TAS2R1: variants seen among roughly 807,000 people sequenced by gnomAD.
The protein encoded by TAS2R1 is taste receptor type 2 member 1.
For missense variants in TAS2R1, 370 were observed against 353.4 expected (o/e 1.05, Z -0.38); for synonymous variants, 141 against 134.2 (o/e 1.05, Z -0.35).
intron 1 of TAS2R1, among the ~76,000 whole-genome samples, chr5:9,661,445 T>G (rs2126495772): frequency 1.3e-5 from 2 of 152,224 alleles, no homozygotes; most frequent in Middle Eastern, 6.8e-3. Context: ...ACATTAAAGG[T>G]GGTTTCAATC....
At chr5:9,871,299 T>C in the TAS2R1 span, among the ~76,000 whole-genome samples, 1 of 152,258 alleles carries the variant, frequency 6.6e-6, no homozygotes, top group African/African-American at 2.4e-5. Context: ...GACTACCAGT[T>C]TGACTATGTC....
At chr5:9,827,571 TACACACACACCCGGGTGTGGTGGCATGC>T in the TAS2R1 span, among the ~76,000 whole-genome samples, 1 of 149,216 alleles carries the variant, frequency 6.7e-6, no homozygotes, top group Non-Finnish European at 1.5e-5. Context: ...TCCATCCCTA[TACACACACACCCGGGTGTGGTGGCATGC>T]ACACACACAC....
upstream of TAS2R1, chr5:9,713,869 C>T (rs1368112108): frequency 1.3e-5 from 2 of 152,190 alleles, no homozygotes; most frequent in African/African-American, 2.4e-5. Context: ...GAAAGTAGAA[C>T]AATTAAAAAA....
the TAS2R1 span, among the ~76,000 whole-genome samples, chr5:9,800,669 G>A: frequency 1.3e-5 from 2 of 152,184 alleles, no homozygotes; most frequent in African/African-American, 2.4e-5. Context: ...GGTTTTATCT[G>A]GTGGGCCATG....
At position 9,707,806 on chromosome 5, in the gene TAS2R1, C is replaced by T. The variant is rs185159695; in HGVS notation, c.-242+4366G>A. Among the ~76,000 whole-genome samples, 120 of 152,072 alleles carry T rather than the reference C, an allele frequency of 7.9e-4. 1 individual carries two copies. Among genetic ancestry groups the T allele is most frequent in the Admixed American group, 2.6e-4 (4 of 15,256 alleles). On this transcript the variant is annotated intron_variant, in intron 1 of 2. Coordinates refer to the TAS2R1 transcript ENST00000506620. ...GCACAACTCAGGGAGGGAGGTGGTG[C>T]GAAATAACTGAGGCTAACTACTGTG... is the stretch of plus-strand genomic sequence containing the variant.
the TAS2R1 span, among the ~76,000 whole-genome samples, chr5:9,890,241 C>T: frequency 3.3e-5 from 5 of 152,172 alleles, no homozygotes; most frequent in African/African-American, 1.2e-4. Flanking sequence ...CTCAAAAAGG[C>T]CGCCTACGTG....
chr5:9,895,146 C>T, the TAS2R1 span, among the ~76,000 whole-genome samples: 14,835 of 151,868 alleles, frequency 0.098, 720 homozygotes, highest in African/African-American at 0.11. Flanking sequence ...CATGTCACTG[C>T]GTGTGTGTGA....
At chr5:9,842,316 C>CT in the TAS2R1 span, among the ~76,000 whole-genome samples, 14,246 of 115,466 alleles carry the variant, frequency 0.12, 1,317 homozygotes, top group Non-Finnish European at 0.16. Flanking sequence ...TTCTTTCTCT[C>CT]TTTTTTTTTT....
At chr5:9,785,296 G>A in the TAS2R1 span, among the ~76,000 whole-genome samples, 13 of 152,164 alleles carry the variant, frequency 8.5e-5, no homozygotes, top group East Asian at 2.1e-3. Context: ...TTTTTGTCAC[G>A]GTTTTACAAA....
At chr5:9,768,055 C>T in the TAS2R1 span, among the ~76,000 whole-genome samples, 1 of 152,184 alleles carries the variant, frequency 6.6e-6, no homozygotes, top group African/African-American at 2.4e-5. Context: ...TCTCCTGCCC[C>T]CACCCTAACT....
At chr5:9,662,810 T>C (rs1237359818) in intron 1 of TAS2R1, among the ~76,000 whole-genome samples, 2 of 152,246 alleles carry the variant, frequency 1.3e-5, no homozygotes, top group Non-Finnish European at 2.9e-5. Flanking sequence ...GAAATTTTGT[T>C]AAGAATACTC....
the TAS2R1 span, among the ~76,000 whole-genome samples, chr5:9,862,192 G>A: frequency 1.0e-5 from 1 of 99,104 alleles, no homozygotes; most frequent in Non-Finnish European, 2.2e-5. Context: ...ATCAAGCAAC[G>A]TTAAGTTTAA....
At chr5:9,854,554 T>C in the TAS2R1 span, 6 of 152,266 alleles carry the variant, frequency 3.9e-5, no homozygotes, top group South Asian at 8.3e-4. Flanking sequence ...GAAGGTAAGA[T>C]GAGACTCAAG....
chr5:9,835,797 T>C, the TAS2R1 span, among the ~76,000 whole-genome samples: 8 of 152,208 alleles, frequency 5.3e-5, no homozygotes, highest in African/African-American at 1.7e-4. Context: ...CTCAACTCAG[T>C]GTCCTTGTTA....
chr5:9,897,385 G>A, the TAS2R1 span, among the ~76,000 whole-genome samples: 49 of 152,174 alleles, frequency 3.2e-4, no homozygotes, highest in Admixed American at 7.2e-4. Context: ...GGAGGCAGAG[G>A]TTGCAGTGAG....
At chr5:9,703,727 T>C (rs567144858) in intron 1 of TAS2R1, among the ~76,000 whole-genome samples, 1 of 152,244 alleles carries the variant, frequency 6.6e-6, no homozygotes, top group South Asian at 2.1e-4. Context: ...ACTCTCCATG[T>C]GAAGATTTGG....
chr5:9,839,086 C>A, the TAS2R1 span, among the ~76,000 whole-genome samples: 3 of 152,168 alleles, frequency 2.0e-5, no homozygotes, highest in African/African-American at 7.2e-5. Context: ...CTGTTATCAC[C>A]ACAGTGATGA....
chr5:9,698,000 G>T (rs1052452205), intron 1 of TAS2R1, among the ~76,000 whole-genome samples: 3 of 151,796 alleles, frequency 2.0e-5, no homozygotes, highest in Non-Finnish European at 2.9e-5. Context: ...GCATTAGGAA[G>T]AAAATTCAAT....
rs1740726308 is a variant in TAS2R1, at chr5:9,670,448, A to C, written c.-241-10867T>G. Among the ~76,000 whole-genome samples the C allele has an allele frequency of 2.0e-5, 3 of 152,306 alleles. No homozygotes were observed. In the South Asian group the frequency reaches 6.2e-4, roughly 32 times the overall value. On this transcript the variant is annotated intron_variant, in intron 1 of 2. Coordinates refer to the TAS2R1 transcript ENST00000506620. The stretch of plus-strand genomic sequence containing the variant: ...AAATGCTGAGCTGTTTCTGTATCTT[A>C]CTACTGTTTTCTGTATATCATTTTC...
Sources: gnomAD v4.1 joint callset for allele counts (sites outside exome capture counted in the v4.1 genomes callset) on GRCh38, gnomAD v4.1.1 for gene constraint, MANE v1.5 for transcripts, NCBI Gene and HGNC (gene_info 2026-07-23, HGNC 2026-07-21) for gene names.